ERAP1: variants seen among roughly 807,000 people sequenced by gnomAD.
The protein encoded by ERAP1 is adipocyte-derived leucine aminopeptidase.
In ERAP1, 86 loss-of-function variants were observed where a neutral mutation model predicts 103.7. The observed-to-expected ratio is 0.83, with a 90% CI of 0.70 to 0.99. The LOEUF (loss-of-function observed/expected upper bound fraction) is 0.99, where lower values mean the gene tolerates loss of function less well. Among genes scored for constraint, ERAP1 ranks in the 50% least tolerant of loss-of-function variants. The probability of loss-of-function intolerance (pLI) is 0.00; values close to 1 mark genes in which losing one functional copy is unlikely to be tolerated. For synonymous variants in ERAP1, 398 were observed against 402.4 expected, an observed-to-expected ratio of 0.99 and a Z score of 0.13; for missense variants, 1,009 against 1,128.4, an observed-to-expected ratio of 0.89 and a Z score of 1.52.
chr5:96,798,220 G>T (rs1304012974), intron 3 of ERAP1, among the ~76,000 whole-genome samples: 1 of 151,380 alleles, frequency 6.6e-6, no homozygotes, highest in African/African-American at 2.4e-5. Flanking sequence ...AGCTACTCGG[G>T]AGGCTGAGGC....
the ERAP1 span, among the ~76,000 whole-genome samples, chr5:96,867,675 A>C: frequency 1.3e-5 from 2 of 152,240 alleles, no homozygotes; most frequent in Admixed American, 1.3e-4. Flanking sequence ...AGAGAGAGAC[A>C]GAACCAAGGA....
the ERAP1 span, among the ~76,000 whole-genome samples, chr5:96,833,703 C>T: frequency 6.6e-6 from 1 of 151,094 alleles, no homozygotes; most frequent in Non-Finnish European, 1.5e-5. Flanking sequence ...GAGGCTGAGG[C>T]AGGGGAATCG....
the ERAP1 span, among the ~76,000 whole-genome samples, chr5:96,877,977 A>G: frequency 1.3e-5 from 2 of 152,350 alleles, no homozygotes; most frequent in South Asian, 2.1e-4. Flanking sequence ...TAAGGATTAT[A>G]AAAAGAAGAA....
At chr5:96,890,861 G>C in the ERAP1 span, among the ~76,000 whole-genome samples, 1 of 152,068 alleles carries the variant, frequency 6.6e-6, no homozygotes, top group Non-Finnish European at 1.5e-5. Flanking sequence ...TAGATCAAAA[G>C]TCAAGGAAAG....
Position 96,762,188 on chromosome 5 carries a change from A to G in ERAP1, c.*1012T>C. The G allele has an allele frequency of 5.7e-6, 4 of 704,458 alleles. No individual in the cohort carries two copies. The South Asian group carries it at 6.7e-5, about 12-fold the overall frequency. The allele number at this position is 704,458 out of a possible 1,614,324, so 43.6% of individuals were successfully genotyped here. ...CAAGAGAATAAACAGTCATTAAGCTATCTTTAAGAGTTATAGTTAAGTGAT... is the reference window on the plus strand; with the variant it reads ...CAAGAGAATAAACAGTCATTAAGCTGTCTTTAAGAGTTATAGTTAAGTGAT... On this transcript the variant is annotated 3_prime_UTR_variant, in exon 20 of 20. Coordinates refer to the ERAP1 transcript ENST00000296754.
downstream of ERAP1, chr5:96,774,448 C>CTAGT (rs1321260296): frequency 1.1e-6 from 1 of 935,284 alleles, no homozygotes; most frequent in Non-Finnish European, 1.3e-6. Context: ...TTTTTACAGT[C>CTAGT]TAGTTAGGAG....
At chr5:96,829,058 G>C in the ERAP1 span, among the ~76,000 whole-genome samples, 5 of 152,272 alleles carry the variant, frequency 3.3e-5, no homozygotes, top group African/African-American at 1.2e-4. Context: ...ATGTTGGCCA[G>C]GATGGTCTCA....
intron 18 of ERAP1, among the ~76,000 whole-genome samples, chr5:96,777,512 G>A (rs1177123564): frequency 2.6e-5 from 4 of 151,866 alleles, no homozygotes; most frequent in Admixed American, 1.3e-4. Context: ...ATGATGCAGA[G>A]TTGTTTTAAA....
At chr5:96,887,217 T>A in the ERAP1 span, among the ~76,000 whole-genome samples, 2 of 151,686 alleles carry the variant, frequency 1.3e-5, no homozygotes, top group Admixed American at 6.6e-5. Flanking sequence ...TCATTTAAAA[T>A]TTTAAATAAT....
the ERAP1 span, chr5:96,903,464 G>A: frequency 6.2e-7 from 1 of 1,614,018 alleles, no homozygotes; most frequent in Non-Finnish European, 8.5e-7. Flanking sequence ...GAGGGTCATG[G>A]ATGGGACCAA....
intron 19 of ERAP1, chr5:96,768,844 C>T (rs1426882299): frequency 6.3e-6 from 1 of 158,580 alleles, no homozygotes; most frequent in Non-Finnish European, 1.4e-5. Flanking sequence ...CTTCCCAGTC[C>T]AAAGTTAGAG....
chr5:96,832,686 T>G, the ERAP1 span, among the ~76,000 whole-genome samples: 3 of 152,200 alleles, frequency 2.0e-5, no homozygotes, highest in Non-Finnish European at 2.9e-5. Context: ...ATTTGTAAAA[T>G]GTATTTAAGT....
chr5:96,887,083 A>G, the ERAP1 span, among the ~76,000 whole-genome samples: 3 of 86,918 alleles, frequency 3.5e-5, no homozygotes, highest in South Asian at 5.1e-4. Flanking sequence ...GTATATATAT[A>G]TATATATATA....
intron 3 of ERAP1, among the ~76,000 whole-genome samples, chr5:96,800,189 A>G (rs1777828119): frequency 6.6e-6 from 1 of 152,226 alleles, no homozygotes; most frequent in African/African-American, 2.4e-5. Flanking sequence ...AACTACCAGA[A>G]TCAAAGGATG....
At chr5:96,765,187 A>G in intron 19 of ERAP1, 1 of 1,235,120 alleles carries the variant, frequency 8.1e-7, no homozygotes, top group Non-Finnish European at 1.2e-6. Flanking sequence ...AGTTTGGCTA[A>G]TGAGTGACTA....
the ERAP1 span, among the ~76,000 whole-genome samples, chr5:96,891,294 A>C: frequency 2.0e-5 from 3 of 151,756 alleles, no homozygotes; most frequent in Non-Finnish European, 4.4e-5. Context: ...GCCTACGTGA[A>C]ATCATTAGCA....
At chr5:96,783,389 G>A (rs969480162) in intron 14 of ERAP1, among the ~76,000 whole-genome samples, 154 bp from the exon 15 acceptor site, 2 of 152,018 alleles carry the variant, frequency 1.3e-5, no homozygotes, top group African/African-American at 4.8e-5. Flanking sequence ...AATTATAAAA[G>A]GGCCAAAAAC....
the ERAP1 span, among the ~76,000 whole-genome samples, chr5:96,852,253 T>C: frequency 6.6e-6 from 1 of 152,202 alleles, no homozygotes; most frequent in African/African-American, 2.4e-5. Flanking sequence ...ATAGATAAAA[T>C]ATTGTTTTTA....
At chr5:96,790,389 A>G (rs199680555) in intron 9 of ERAP1, 22 bp from the exon 10 acceptor site, 5 of 1,611,950 alleles carry the variant, frequency 3.1e-6, no homozygotes, top group Admixed American at 1.7e-5. Flanking sequence ...AAATAAACAC[A>G]TCACTCTTAT....
Sources: gnomAD v4.1 joint callset for allele counts (sites outside exome capture counted in the v4.1 genomes callset) on GRCh38, gnomAD v4.1.1 for gene constraint, MANE v1.5 for transcripts, NCBI Gene and HGNC (gene_info 2026-07-23, HGNC 2026-07-21) for gene names.